Variants in ROBO1 observed in about 807,000 individuals in gnomAD.
ROBO1 encodes roundabout homolog 1.
Under a neutral mutation model 195.9 loss-of-function variants are expected in ROBO1, and 149 were observed. That is an observed-to-expected ratio of 0.76 (90% CI 0.67 to 0.87). The LOEUF is 0.87. Among genes scored for constraint, ROBO1 ranks in the 40% least tolerant of loss-of-function variants. The pLI is 0.00. For missense variants in ROBO1, 1,933 were observed against 2,068.3 expected (o/e 0.93, Z 1.27); for synonymous variants, 816 against 733.2 (o/e 1.11, Z -1.82).
chr3:78,776,050 A>C (rs111509357), intron 4 of ROBO1, among the ~76,000 whole-genome samples: 12 of 152,306 alleles, frequency 7.9e-5, no homozygotes, highest in Middle Eastern at 3.4e-3. Context: ...TACATGTAAT[A>C]TATACCATGC....
At chr3:78,766,941 G>A (rs1205087628) in intron 4 of ROBO1, among the ~76,000 whole-genome samples, 6 of 152,090 alleles carry the variant, frequency 3.9e-5, no homozygotes, top group Non-Finnish European at 8.8e-5. Context: ...CATATGTTAA[G>A]CCATCCCTGC....
At chr3:78,933,423 T>G (rs1299612023) in intron 4 of ROBO1, among the ~76,000 whole-genome samples, 1 of 152,172 alleles carries the variant, frequency 6.6e-6, no homozygotes, top group African/African-American at 2.4e-5. Context: ...CAAATACTTC[T>G]GCTTTTTTCC....
chr3:78,896,658 C>A (rs76098123), intron 4 of ROBO1, among the ~76,000 whole-genome samples: 352 of 65,682 alleles, frequency 5.4e-3, no homozygotes, highest in South Asian at 9.4e-3. Context: ...TTGTTGCTCA[C>A]AAAAAAAAAA....
chr3:78,825,730 C>G (rs533175714), intron 4 of ROBO1, among the ~76,000 whole-genome samples: 2 of 152,264 alleles, frequency 1.3e-5, no homozygotes, highest in East Asian at 3.9e-4. Context: ...CAAGAAACTG[C>G]AGCTTCATGT....
chr3:78,607,177 A>G (rs1703515674), intron 28 of ROBO1, 136 bp from the exon 29 acceptor site: 1 of 827,868 alleles, frequency 1.2e-6, no homozygotes, highest in Non-Finnish European at 1.8e-6. Flanking sequence ...GAAGGTAACC[A>G]AGGAAAAATA....
chr3:79,758,933 C>A (rs1024268169), intron 1 of ROBO1, among the ~76,000 whole-genome samples: 2 of 152,092 alleles, frequency 1.3e-5, no homozygotes, highest in Admixed American at 6.6e-5. Context: ...GTGACAAAAA[C>A]CATTAACTGG....
At chr3:79,507,053 G>T (rs754761761) in intron 2 of ROBO1, among the ~76,000 whole-genome samples, 14 of 152,126 alleles carry the variant, frequency 9.2e-5, no homozygotes, top group Non-Finnish European at 1.3e-4. Flanking sequence ...ACATAATAGA[G>T]CTCCTCTTGA....
chr3:79,196,733 A>G (rs1252826794), intron 2 of ROBO1, among the ~76,000 whole-genome samples: 2 of 151,774 alleles, frequency 1.3e-5, no homozygotes, highest in Non-Finnish European at 2.9e-5. Flanking sequence ...TTTAAATCCA[A>G]CACTTGCAGA....
At chr3:79,220,828 G>A (rs1053424289) in intron 2 of ROBO1, among the ~76,000 whole-genome samples, 3 of 151,970 alleles carry the variant, frequency 2.0e-5, no homozygotes, top group Admixed American at 6.6e-5. Flanking sequence ...TTTGTTCACT[G>A]CGGATCAGGA....
intron 5 of ROBO1, among the ~76,000 whole-genome samples, chr3:78,734,453 C>T (rs1470089044): frequency 6.6e-6 from 1 of 151,318 alleles, no homozygotes; most frequent in Non-Finnish European, 1.5e-5. Context: ...CCCAGCTACT[C>T]ACATGGCTGA....
At chr3:79,311,565 A>T (rs2033483988) in intron 2 of ROBO1, among the ~76,000 whole-genome samples, 1 of 152,270 alleles carries the variant, frequency 6.6e-6, no homozygotes, top group East Asian at 1.9e-4. Flanking sequence ...AGGTAAGAAG[A>T]CATAGAGATC....
chr3:78,930,651 C>G (rs2039470394), intron 4 of ROBO1, among the ~76,000 whole-genome samples: 1 of 152,164 alleles, frequency 6.6e-6, no homozygotes. Context: ...TGCAAAATCT[C>G]AACTTCTACT....
chr3:78,888,559 T>G (rs1457486772), intron 4 of ROBO1, among the ~76,000 whole-genome samples: 1 of 152,194 alleles, frequency 6.6e-6, no homozygotes, highest in Non-Finnish European at 1.5e-5. Context: ...TTAGTTAAAA[T>G]TAAGTAACCA....
rs555381161 is a variant in ROBO1 at position 79,434,603 on chromosome 3, A to C, written c.88+155221T>G. 4.6e-5 allele frequency among the ~76,000 whole-genome samples: 7 copies of C among 152,268 alleles called. No individual in the cohort carries two copies. The South Asian group carries it at 1.4e-3, about 32-fold the overall frequency. On this transcript the variant is annotated intron_variant, in intron 2 of 30. Transcript: ENST00000464233. ...GATGTGGAGAAATAGGAACACTTTT[A>C]CACTGTTGGTGGGACTGTAAACTAA... is the stretch of plus-strand genomic sequence containing the variant.
chr3:79,053,995 CTT>C (rs989017186), intron 3 of ROBO1, among the ~76,000 whole-genome samples: 4 of 152,080 alleles, frequency 2.6e-5, no homozygotes, highest in African/African-American at 9.7e-5. Context: ...GTATTACAAA[CTT>C]TTTGTACTGA....
chr3:78,647,309 G>A (rs1303512645), intron 20 of ROBO1, among the ~76,000 whole-genome samples: 1 of 152,020 alleles, frequency 6.6e-6, no homozygotes, highest in African/African-American at 2.4e-5. Flanking sequence ...GCACTGTCAA[G>A]TCTGAAGTAG....
intron 4 of ROBO1, among the ~76,000 whole-genome samples, chr3:78,778,903 C>T (rs994959166): frequency 1.3e-5 from 2 of 152,094 alleles, no homozygotes; most frequent in Non-Finnish European, 2.9e-5. Context: ...GGTACTAGTA[C>T]CAAAACAAAT....
chr3:79,229,049 C>G (rs887011720), intron 2 of ROBO1, among the ~76,000 whole-genome samples: 8 of 152,000 alleles, frequency 5.3e-5, no homozygotes, highest in Non-Finnish European at 1.0e-4. Flanking sequence ...ATATGCAAAT[C>G]ACCATAAGAA....
At chr3:79,754,740 A>G (rs1704297647) in intron 1 of ROBO1, among the ~76,000 whole-genome samples, 1 of 152,190 alleles carries the variant, frequency 6.6e-6, no homozygotes. Context: ...TGGAATTAGC[A>G]ACTAAGGCAA....
Sources: allele counts gnomAD v4.1 joint callset (sites outside exome capture counted in the v4.1 genomes callset), GRCh38; gene constraint gnomAD v4.1.1; transcripts MANE v1.5; gene names NCBI Gene and HGNC (gene_info 2026-07-23, HGNC 2026-07-21).